Variants in TMEM273 observed in about 807,000 individuals in gnomAD.
The protein encoded by TMEM273 is chromosome 10 open reading frame 128.
Under a neutral mutation model 17.9 loss-of-function variants are expected in TMEM273, and 19 were observed. The ratio of observed to expected loss-of-function variants is 1.06; its 90% CI spans 0.74 to 1.55. TMEM273 has a LOEUF of 1.55. Among genes scored for constraint, TMEM273 ranks in the 40% most tolerant of loss-of-function variants. The pLI is 0.00. For synonymous variants in TMEM273, 66 were observed against 62.0 expected (o/e 1.07, Z -0.31); for missense variants, 194 against 155.6 (o/e 1.25, Z -1.31).
chr10:49,163,847 A>T (rs1845999774), intron 5 of TMEM273, among the ~76,000 whole-genome samples: 1 of 152,128 alleles, frequency 6.6e-6, no homozygotes, highest in Non-Finnish European at 1.5e-5. Flanking sequence ...AAAAAAGTGA[A>T]CTTCTCAAGA....
At chr10:49,162,433 C>T (rs1045006005) in intron 5 of TMEM273, among the ~76,000 whole-genome samples, 35 of 152,272 alleles carry the variant, frequency 2.3e-4, no homozygotes, top group Admixed American at 7.8e-4. Context: ...ATGTGAAGTC[C>T]GTGGCTAAGA....
At chr10:49,174,493 C>T (rs1369610720) in intron 1 of TMEM273, among the ~76,000 whole-genome samples, 2 of 152,162 alleles carry the variant, frequency 1.3e-5, no homozygotes, top group African/African-American at 4.8e-5. Flanking sequence ...TCTCAGAGTC[C>T]CCATCTCAAA....
rs1018318596 is a variant in TMEM273, at chr10:49,165,086, C to T, written c.348+119G>A. 70 of 1,372,572 alleles carry T rather than the reference C, an allele frequency of 5.1e-5. 1 individual carries two copies. In the Middle Eastern group the frequency reaches 5.6e-4, roughly 11 times the overall value. The allele number at this position is 1,372,572 out of a possible 1,614,324, so 85.0% of individuals were successfully genotyped here. On this transcript the variant is annotated intron_variant, in intron 5 of 6. Transcript: ENST00000374153. ...CGGAGCTTACATTTTAGAAAAAAAC[C>T]CATGCAAAATAGACAAATCAATATA...
chr10:49,156,285 T>C, intron 6 of TMEM273: 1 of 1,322,044 alleles, frequency 7.6e-7, no homozygotes, highest in Non-Finnish European at 1.0e-6. Context: ...TAGATAGACC[T>C]ATGAGAATAG....
intron 1 of TMEM273, among the ~76,000 whole-genome samples, chr10:49,177,423 G>A (rs1168705581): frequency 6.6e-6 from 1 of 152,118 alleles, no homozygotes; most frequent in Non-Finnish European, 1.5e-5. Flanking sequence ...TGCTGACCCG[G>A]TTCCTGAACT....
intron 1 of TMEM273, among the ~76,000 whole-genome samples, chr10:49,175,196 G>A (rs371179143): frequency 2.0e-5 from 3 of 152,238 alleles, no homozygotes; most frequent in South Asian, 4.2e-4. Context: ...GCTGAGCAGG[G>A]TCAGAGCAGC....
intron 4 of TMEM273, 81 bp downstream of exon 4, chr10:49,165,685 G>T: frequency 6.3e-7 from 1 of 1,575,302 alleles, no homozygotes; most frequent in Non-Finnish European, 8.7e-7. Flanking sequence ...AGAAGGCTGG[G>T]GATGACAGGC....
At chr10:49,176,276 G>A (rs1395512660) in intron 1 of TMEM273, among the ~76,000 whole-genome samples, 1 of 152,198 alleles carries the variant, frequency 6.6e-6, no homozygotes, top group Non-Finnish European at 1.5e-5. Flanking sequence ...ACACCGGGAG[G>A]CACTCTGGGA....
At chr10:49,186,380 T>G (rs1590268305) in intron 1 of TMEM273, among the ~76,000 whole-genome samples, 1 of 152,114 alleles carries the variant, frequency 6.6e-6, no homozygotes, top group Admixed American at 6.5e-5. Context: ...TTTGGGAGGG[T>G]TTTACCATAT....
At chr10:49,165,650 A>T (rs1846129782) in intron 4 of TMEM273, 116 bp downstream of exon 4, 3 of 1,428,196 alleles carry the variant, frequency 2.1e-6, no homozygotes, top group East Asian at 2.3e-5. Flanking sequence ...CATTCTAGTC[A>T]CCTAGAAAGC....
intron 1 of TMEM273, among the ~76,000 whole-genome samples, chr10:49,173,491 C>A (rs943536117): frequency 6.6e-6 from 1 of 152,200 alleles, no homozygotes; most frequent in African/African-American, 2.4e-5. Context: ...ATGCTTTTCC[C>A]TCGTCCCTGT....
chr10:49,180,535 G>A (rs1417823323), intron 1 of TMEM273, among the ~76,000 whole-genome samples: 3 of 152,098 alleles, frequency 2.0e-5, no homozygotes, highest in Non-Finnish European at 4.4e-5. Context: ...ATCTGAGGAG[G>A]CCTGTTAAAA....
At chr10:49,161,506 G>T (rs766460633) in intron 6 of TMEM273, 93 bp downstream of exon 6, 9 of 1,547,134 alleles carry the variant, frequency 5.8e-6, no homozygotes, top group Non-Finnish European at 8.0e-6. Context: ...CGTGGCCAGG[G>T]GAGGGAGAGG....
At chr10:49,163,111 C>T (rs2002728) in intron 5 of TMEM273, among the ~76,000 whole-genome samples, 97,989 of 151,720 alleles carry the variant, frequency 0.65, 32,456 homozygotes, top group African/African-American at 0.8. Flanking sequence ...CAGAGCTGCC[C>T]GGGGCAAAGG....
intron 3 of TMEM273, 39 bp from the exon 4 acceptor site, chr10:49,165,835 T>C: frequency 6.2e-7 from 1 of 1,613,212 alleles, no homozygotes; most frequent in Non-Finnish European, 8.5e-7. Context: ...GGGGGTCGTG[T>C]GACAAGAGGT....
rs938936576 is a variant in TMEM273 at position 49,156,380 on chromosome 10, GA to G, written c.373-472del. The G allele has an allele frequency of 2.1e-5, 18 of 870,012 alleles. No individual in the cohort carries two copies. The African/African-American group carries it at 3.2e-4, about 15-fold the overall frequency. 53.9% of individuals were successfully genotyped at this position (870,012 alleles called of 1,614,324 possible). A position where few individuals can be genotyped will look rare whatever the true frequency, so the allele number is the denominator to read the frequency against. Reference sequence around the variant, plus strand: ...CTGTGCTTGGTGTACCAGCTTTGATGAAAGGGAAGGGCAGCATAGGTGTCTA... The same window carrying G: ...CTGTGCTTGGTGTACCAGCTTTGATGAAGGGAAGGGCAGCATAGGTGTCTA... On this transcript the variant is annotated intron_variant, in intron 6 of 6. Coordinates refer to ENST00000374153, the MANE Select transcript of TMEM273 (RefSeq NM_001288740.3).
intron 5 of TMEM273, 60 bp from the exon 6 acceptor site, chr10:49,161,682 C>A (rs977692095): frequency 5.0e-6 from 8 of 1,607,270 alleles, no homozygotes; most frequent in Non-Finnish European, 6.8e-6. Flanking sequence ...AAAGACAATG[C>A]AAAACTTGCT....
intron 5 of TMEM273, among the ~76,000 whole-genome samples, chr10:49,162,809 C>A (rs1044824158): frequency 3.3e-5 from 5 of 152,166 alleles, no homozygotes; most frequent in Non-Finnish European, 5.9e-5. Context: ...CAGATGCTAC[C>A]GCTACCTGGA....
chr10:49,165,871 C>T, intron 3 of TMEM273, 75 bp from the exon 4 acceptor site: 1 of 1,585,574 alleles, frequency 6.3e-7, no homozygotes, highest in East Asian at 2.2e-5. Flanking sequence ...GAGCTTTCAC[C>T]TCCCTCTCCT....
Sources: allele counts gnomAD v4.1 joint callset (sites outside exome capture counted in the v4.1 genomes callset), GRCh38; gene constraint gnomAD v4.1.1; transcripts MANE v1.5; gene names NCBI Gene and HGNC (gene_info 2026-07-23, HGNC 2026-07-21).